The following AP4E1 variants were observed in gnomAD, a reference collection of about 807,000 sequenced individuals.
AP4E1 encodes AP-4 complex subunit epsilon-1.
AP4E1 carries 56 observed loss-of-function variants against 128.2 expected under a neutral mutation model. The ratio of observed to expected loss-of-function variants is 0.44; its 90% CI spans 0.35 to 0.55. The LOEUF is 0.55. AP4E1 is among the 20% of genes least tolerant of loss of function. The pLI is 0.00. For synonymous variants in AP4E1, 484 were observed against 473.1 expected, an observed-to-expected ratio of 1.02 and a Z score of -0.30; for missense variants, 1,324 against 1,307.7, an observed-to-expected ratio of 1.01 and a Z score of -0.19.
rs193280934 is a variant in AP4E1 at position 50,962,472 on chromosome 15, C to T, written c.1851+3678C>T. ...CGTGTATTTACGACTAACTGATTTT[C>T]GGTCAAAGTGCCAAGAATATATATT... On this transcript the variant is annotated intron_variant, in intron 14 of 20. Transcript: ENST00000261842. 7.9e-5 allele frequency among the ~76,000 whole-genome samples: 12 copies of T among 152,078 alleles called. No homozygotes were observed. In the East Asian group the frequency reaches 9.6e-4, roughly 12 times the overall value.
chr15:50,908,874 C>T lies in AP4E1; in HGVS notation c.96C>T (p.Phe32=), dbSNP rs1407642781. 2 of 1,610,350 alleles carry T rather than the reference C, an allele frequency of 1.2e-6. No homozygotes were observed. Among genetic ancestry groups the T allele is most frequent in the Non-Finnish European group, 1.7e-6 (2 of 1,179,186 alleles). ...GGGPAAAKAS[F]SSRLGSLVRG... is the part of the protein sequence containing the mutation. ...GGCCCGCGGCCGCCAAGGCGTCCTT[C>T]TCCTCGAGGCTGGGCAGCCTTGTCC... Residue 32 remains phenylalanine, a synonymous_variant, in exon 1 of 21, where the codon TTC becomes TTT. Coordinates refer to ENST00000261842, the MANE Select transcript of AP4E1 (RefSeq NM_007347.5).
At chr15:50,931,054 T>C in intron 7 of AP4E1, 83 bp downstream of exon 7, 1 of 1,495,276 alleles carries the variant, frequency 6.7e-7, no homozygotes, top group South Asian at 1.1e-5. Flanking sequence ...GGTTTAATGA[T>C]AAACCAGATT....
Position 50,948,065 on chromosome 15 carries a change from G to T in AP4E1, c.1222G>T (p.Val408Phe). ...AATTACTAATGCACAGAATATAACAGTTATTGTCCAGAAAATGCTTGAATA... is the reference window on the plus strand; with the variant it reads ...AATTACTAATGCACAGAATATAACATTTATTGTCCAGAAAATGCTTGAATA... ...YRITNAQNIT[V>F]IVQKMLEYLH... Residue 408 changes from valine to phenylalanine, a missense_variant, in exon 11 of 21, where the codon GTT becomes TTT. Val to Phe is a conservative substitution (Grantham distance 50). Transcript: ENST00000261842. The T allele has an allele frequency of 6.2e-7, 1 of 1,611,562 alleles. No homozygotes were observed. The highest frequency in any genetic ancestry group is 8.5e-7 in the Non-Finnish European group (1 of 1,177,872).
At chr15:50,922,430 C>T (rs2063716769) in intron 3 of AP4E1, among the ~76,000 whole-genome samples, 1 of 152,178 alleles carries the variant, frequency 6.6e-6, no homozygotes, top group Non-Finnish European at 1.5e-5. Flanking sequence ...AGAGTAATAG[C>T]TCTGCTCCTC....
intron 16 of AP4E1, among the ~76,000 whole-genome samples, chr15:50,992,023 A>G (rs1198942034): frequency 6.8e-6 from 1 of 147,504 alleles, no homozygotes; most frequent in Non-Finnish European, 1.5e-5. Context: ...TAAACATTGT[A>G]TATTTGACCC....
At chr15:50,911,969 G>A (rs1166551966) in intron 1 of AP4E1, 109 bp from the exon 2 acceptor site, 10 of 904,774 alleles carry the variant, frequency 1.1e-5, no homozygotes, top group Non-Finnish European at 1.6e-5. Flanking sequence ...TTAAAATAAT[G>A]TTTCTTTTAA....
At chr15:50,922,917 A>G (rs746774464) in intron 3 of AP4E1, among the ~76,000 whole-genome samples, 17 of 151,968 alleles carry the variant, frequency 1.1e-4, no homozygotes, top group Non-Finnish European at 2.4e-4. Flanking sequence ...AGCTGGGACT[A>G]CAGGTGCCCG....
At chr15:50,988,580 G>A (rs1267612172) in intron 16 of AP4E1, among the ~76,000 whole-genome samples, 1 of 152,108 alleles carries the variant, frequency 6.6e-6, no homozygotes, top group Admixed American at 6.5e-5. Context: ...CTCCCAAAGT[G>A]CTGGGATTAC....
At chr15:50,911,326 T>C (rs1305676453) in intron 1 of AP4E1, among the ~76,000 whole-genome samples, 1 of 152,122 alleles carries the variant, frequency 6.6e-6, no homozygotes, top group Non-Finnish European at 1.5e-5. Flanking sequence ...GGAAGAAGAA[T>C]GTAGTTTAAG....
rs1199189475 is a variant in AP4E1, at chr15:50,995,980, C to CTTT, written c.2347-1322_2347-1320dup. On this transcript the variant is annotated intron_variant, in intron 17 of 20. Coordinates refer to ENST00000261842, the MANE Select transcript of AP4E1 (RefSeq NM_007347.5). ...CAGTAACAAGCAGTCTAATATACAT[C>CTTT]TTTTTTTTTTTTTTTTTTTTTTTTT... Among the ~76,000 whole-genome samples the CTTT allele has an allele frequency of 2.0e-4, 18 of 91,804 alleles. 1 individual carries two copies. Among genetic ancestry groups the CTTT allele is most frequent in the African/African-American group, 3.5e-4 (7 of 19,778 alleles). The allele number at this position is 91,804 out of a possible 152,430, so 60.2% of individuals were successfully genotyped here.
intron 16 of AP4E1, among the ~76,000 whole-genome samples, chr15:50,992,883 A>C (rs2064823282): frequency 2.6e-5 from 4 of 152,222 alleles, no homozygotes; most frequent in Admixed American, 1.3e-4. Context: ...ACTAAAGAAA[A>C]AATAAAATGT....
intron 15 of AP4E1, among the ~76,000 whole-genome samples, chr15:50,983,501 A>T (rs552309526): frequency 1.3e-5 from 2 of 152,330 alleles, no homozygotes; most frequent in East Asian, 3.9e-4. Flanking sequence ...TACCACAGTA[A>T]CAACATGAAT....
At chr15:50,911,744 C>CT (rs1459880579) in intron 1 of AP4E1, among the ~76,000 whole-genome samples, 1 of 152,088 alleles carries the variant, frequency 6.6e-6, no homozygotes, top group African/African-American at 2.4e-5. Context: ...TCCCAAAGTG[C>CT]TGGGATTACA....
At chr15:50,920,658 A>G (rs574750036) in intron 3 of AP4E1, among the ~76,000 whole-genome samples, 1 of 152,268 alleles carries the variant, frequency 6.6e-6, no homozygotes, top group Non-Finnish European at 1.5e-5. Context: ...TTGGCCTCCC[A>G]AAGTGCTGGG....
chr15:50,927,348 G>A (rs2063781164), intron 5 of AP4E1, among the ~76,000 whole-genome samples: 1 of 152,168 alleles, frequency 6.6e-6, no homozygotes, highest in Admixed American at 6.5e-5. Context: ...AGAGCTATAG[G>A]TAAGCCAGTA....
intron 8 of AP4E1, among the ~76,000 whole-genome samples, chr15:50,937,443 A>G (rs1295805775): frequency 1.3e-5 from 2 of 152,244 alleles, no homozygotes; most frequent in Admixed American, 6.5e-5. Flanking sequence ...AATATCTGCT[A>G]TGTGCCAGGC....
chr15:50,915,969 C>T (rs1349704046), intron 3 of AP4E1: 1 of 201,298 alleles, frequency 5.0e-6, no homozygotes, highest in African/African-American at 2.4e-5. Flanking sequence ...TCTGTGTTGC[C>T]CAGGCTAGAG....
chr15:50,919,296 G>A (rs889718473), intron 3 of AP4E1, among the ~76,000 whole-genome samples: 3 of 151,868 alleles, frequency 2.0e-5, no homozygotes, highest in African/African-American at 7.3e-5. Context: ...ACTTTGGGAG[G>A]CTGAGGTGGG....
At chr15:50,987,860 T>C (rs2064750073) in intron 16 of AP4E1, among the ~76,000 whole-genome samples, 1 of 152,174 alleles carries the variant, frequency 6.6e-6, no homozygotes, top group Non-Finnish European at 1.5e-5. Flanking sequence ...TTAAGGTATT[T>C]ATATTGTACA....
Sources: allele counts gnomAD v4.1 joint callset (sites outside exome capture counted in the v4.1 genomes callset), GRCh38; gene constraint gnomAD v4.1.1; transcripts MANE v1.5; gene names NCBI Gene and HGNC (gene_info 2026-07-23, HGNC 2026-07-21).